Variants in GSE1 observed in about 807,000 individuals in gnomAD.
GSE1 encodes Gse1 coiled-coil protein.
Under a neutral mutation model 112.6 loss-of-function variants are expected in GSE1, and 32 were observed. That is an observed-to-expected ratio of 0.28 (90% CI 0.21 to 0.38). GSE1 has a LOEUF of 0.38. Among genes scored for constraint, GSE1 ranks in the 10% least tolerant of loss-of-function variants. GSE1 has a pLI of 1.00. For synonymous variants in GSE1, 1,115 were observed against 735.6 expected (o/e 1.52, Z -8.35); for missense variants, 2,348 against 1,699.2 (o/e 1.38, Z -6.71).
At chr16:85,488,929 C>A (rs2050925038) in intron 2 of GSE1, among the ~76,000 whole-genome samples, 1 of 152,018 alleles carries the variant, frequency 6.6e-6, no homozygotes, top group Admixed American at 6.6e-5. Flanking sequence ...GGGATGAGGG[C>A]CATCAACAGC....
intron 1 of GSE1, among the ~76,000 whole-genome samples, chr16:85,231,239 A>C (rs1904282679): frequency 6.6e-6 from 1 of 150,656 alleles, no homozygotes; most frequent in Admixed American, 6.6e-5. Context: ...TGATGGATGG[A>C]TAGCTGGACA....
intron 1 of GSE1, among the ~76,000 whole-genome samples, chr16:85,293,970 A>G (rs1281593517): frequency 6.6e-6 from 1 of 152,182 alleles, no homozygotes; most frequent in East Asian, 1.9e-4. Flanking sequence ...CTCGGGAGCA[A>G]TGCCAACCCA....
At chr16:85,499,832 T>A (rs1403094473) in intron 2 of GSE1, among the ~76,000 whole-genome samples, 1 of 152,216 alleles carries the variant, frequency 6.6e-6, no homozygotes, top group Non-Finnish European at 1.5e-5. Flanking sequence ...GCTGGCACAG[T>A]TGTGGTGAAA....
chr16:85,404,063 C>A (rs532169931), intron 2 of GSE1, among the ~76,000 whole-genome samples: 8 of 152,234 alleles, frequency 5.3e-5, no homozygotes, highest in Admixed American at 2.6e-4. Flanking sequence ...CTCTGCCCAC[C>A]TCTCAGAAAC....
intron 1 of GSE1, among the ~76,000 whole-genome samples, chr16:85,332,603 C>T (rs1473145044): frequency 1.3e-5 from 2 of 152,172 alleles, no homozygotes; most frequent in Admixed American, 6.5e-5. Flanking sequence ...GAAGCCAGGG[C>T]CGCACTGCTC....
chr16:85,497,001 C>T (rs945334835), intron 2 of GSE1, among the ~76,000 whole-genome samples: 3 of 151,914 alleles, frequency 2.0e-5, no homozygotes, highest in Admixed American at 1.3e-4. Flanking sequence ...CAGGTTCAAG[C>T]GATTCTCCTG....
At chr16:85,504,134 C>T (rs1211131041) in intron 2 of GSE1, among the ~76,000 whole-genome samples, 1 of 152,176 alleles carries the variant, frequency 6.6e-6, no homozygotes, top group African/African-American at 2.4e-5. Context: ...TGCAGGAGTC[C>T]ATGTGTGAAG....
At chr16:85,513,685 C>T (rs1438821359) in intron 2 of GSE1, among the ~76,000 whole-genome samples, 2 of 152,172 alleles carry the variant, frequency 1.3e-5, no homozygotes, top group African/African-American at 4.8e-5. Flanking sequence ...TGAATCTCCA[C>T]AGCTCTCCTG....
chr16:85,171,570 C>T (rs567821242), exon 1 of GSE1: 2 of 985,576 alleles, frequency 2.0e-6, no homozygotes, highest in East Asian at 1.1e-4. Flanking sequence ...TGGAGACGTT[C>T]GTGTGCTTCT....
chr16:85,617,556 A>C (rs918479284), intron 1 of GSE1, among the ~76,000 whole-genome samples: 2 of 148,640 alleles, frequency 1.3e-5, no homozygotes, highest in Non-Finnish European at 3.0e-5. Flanking sequence ...TTCAGGCCAA[A>C]TCTCGGAGGG....
At chr16:85,404,665 CT>C (rs1377319810) in intron 2 of GSE1, among the ~76,000 whole-genome samples, 10 of 60,692 alleles carry the variant, frequency 1.6e-4, no homozygotes, top group African/African-American at 8.1e-4. Flanking sequence ...TCAGGGCCCC[CT>C]GGATAATCCT....
At position 85,675,963 on chromosome 16, in the gene GSE1, T is replaced by C. The variant is rs113953563; in HGVS notation, c.*3424T>C. ...GACCATGCTAACTGGTGTTATTTTG[T>C]ATGTACCCTGTGCTTAATTCTATAA... On this transcript the variant is annotated 3_prime_UTR_variant, in exon 16 of 16. Transcript: ENST00000253458. 222 of 152,776 alleles carry C rather than the reference T, an allele frequency of 1.5e-3. 1 individual carries two copies. The highest frequency in any genetic ancestry group is 1.6e-3 in the Non-Finnish European group (106 of 68,028). 9.5% of individuals were successfully genotyped at this position (152,776 alleles called of 1,614,324 possible). A position where few individuals can be genotyped will look rare whatever the true frequency, so the allele number is the denominator to read the frequency against.
chr16:85,596,889 A>T (rs2047250713), intron 1 of GSE1, among the ~76,000 whole-genome samples: 1 of 152,162 alleles, frequency 6.6e-6, no homozygotes, highest in Non-Finnish European at 1.5e-5. Context: ...TACAAAAATT[A>T]TCTGGGCGTG....
chr16:85,523,127 C>CTG (rs1054255592), intron 2 of GSE1, among the ~76,000 whole-genome samples: 12 of 148,962 alleles, frequency 8.1e-5, no homozygotes, highest in Admixed American at 2.7e-4. Context: ...TGTGTGTGGC[C>CTG]TGTGTGTGTG....
exon 1 of GSE1, chr16:85,171,367 C>T (rs754842603): frequency 3.4e-4 from 331 of 985,544 alleles, no homozygotes; most frequent in Non-Finnish European, 3.9e-4. Flanking sequence ...CCCCGCCAGC[C>T]GCTTGGGCGA....
At chr16:85,399,479 G>A (rs2048044108) in intron 2 of GSE1, among the ~76,000 whole-genome samples, 2 of 152,342 alleles carry the variant, frequency 1.3e-5, no homozygotes, top group South Asian at 2.1e-4. Context: ...GGAAGAGAAC[G>A]TTGCTGATGC....
intron 2 of GSE1, among the ~76,000 whole-genome samples, chr16:85,525,166 C>T (rs541961172): frequency 3.3e-5 from 5 of 152,110 alleles, no homozygotes; most frequent in East Asian, 1.9e-4. Context: ...GGCCCCTGGC[C>T]GGCCCAGTGG....
intron 2 of GSE1, among the ~76,000 whole-genome samples, chr16:85,634,510 G>T (rs1018688763): frequency 3.3e-5 from 5 of 152,212 alleles, no homozygotes; most frequent in Non-Finnish European, 7.3e-5. Context: ...TCCCCAAGTG[G>T]CTCCTTGCCC....
At chr16:85,480,592 G>A (rs1161606406) in intron 2 of GSE1, among the ~76,000 whole-genome samples, 1 of 152,124 alleles carries the variant, frequency 6.6e-6, no homozygotes, top group African/African-American at 2.4e-5. Context: ...AAATCACATG[G>A]CCCATCGGAC....
Sources: gnomAD v4.1 joint callset for allele counts (sites outside exome capture counted in the v4.1 genomes callset) on GRCh38, gnomAD v4.1.1 for gene constraint, MANE v1.5 for transcripts, NCBI Gene and HGNC (gene_info 2026-07-23, HGNC 2026-07-21) for gene names.